Variants in PTGER4 observed in about 807,000 individuals in gnomAD.
The protein encoded by PTGER4 is prostaglandin E receptor 4, also known as prostaglandin E2 receptor EP4 subtype.
Under a neutral mutation model 33.2 loss-of-function variants are expected in PTGER4, and 11 were observed. That is an observed-to-expected ratio of 0.33 (90% CI 0.21 to 0.55). PTGER4 has a LOEUF of 0.55. Ranked by LOEUF, PTGER4 falls within the 20% of genes least tolerant of loss-of-function variation. The pLI, the probability that PTGER4 is intolerant of heterozygous loss-of-function variation, is 0.92. For missense variants in PTGER4, 481 were observed against 650.2 expected (o/e 0.74, Z 2.83); for synonymous variants, 275 against 281.5 (o/e 0.98, Z 0.23).
Position 40,691,683 on chromosome 5 carries a change from A to G in PTGER4, c.868-96A>G, listed in dbSNP as rs1451833004. The G allele has an allele frequency of 4.1e-6, 6 of 1,456,706 alleles. No homozygotes were observed. Among genetic ancestry groups the G allele is most frequent in the Non-Finnish European group, 4.6e-6 (5 of 1,081,960 alleles). The allele number at this position is 1,456,706 out of a possible 1,614,324, so 90.2% of individuals were successfully genotyped here. On this transcript the variant is annotated intron_variant, in intron 2 of 2. Transcript: ENST00000302472. This position sits in a 1 kb window ranked among gnomAD's most constrained non-coding sequence, Gnocchi z 4.2. ...TCCTGGAACTTGTTACCAGAAATGA[A>G]GGCAGCTTCCTAATATTGATAAGGT...
At position 40,681,285 on chromosome 5, in the gene PTGER4, A is replaced by T. The variant is rs1308675777; in HGVS notation, c.292A>T (p.Ile98Phe). ...GQPLCEYSTF[I>F]LLFFSLSGLS... ...GCCGCTGTGCGAGTACAGCACCTTC[A>T]TTCTGCTCTTCTTCAGCCTGTCCGG... Residue 98 changes from isoleucine (I) to phenylalanine (F), a missense_variant, in exon 2 of 3, where the codon ATT (isoleucine) becomes TTT (phenylalanine). Ile to Phe is a conservative substitution (Grantham distance 21). Coordinates refer to ENST00000302472, the MANE Select transcript of PTGER4 (RefSeq NM_000958.3). This position sits in a 1 kb window ranked among gnomAD's most constrained non-coding sequence, Gnocchi z 9.8. 6.2e-7 allele frequency: 1 copy of T among 1,614,144 alleles called. No individual in the cohort carries two copies.
At chr5:40,730,296 G>A in the PTGER4 span, 1 of 1,611,640 alleles carries the variant, frequency 6.2e-7, no homozygotes, top group Non-Finnish European at 8.5e-7. Context: ...AGCATCATTT[G>A]GAGTTAACTG....
the PTGER4 span, among the ~76,000 whole-genome samples, chr5:40,708,895 C>T: frequency 1.3e-4 from 20 of 152,090 alleles, no homozygotes; most frequent in Admixed American, 7.9e-4. Flanking sequence ...AATCAATAAA[C>T]GTAATCCAGC....
At chr5:40,741,230 A>C in the PTGER4 span, among the ~76,000 whole-genome samples, 1 of 152,238 alleles carries the variant, frequency 6.6e-6, no homozygotes, top group Non-Finnish European at 1.5e-5. Flanking sequence ...TGAACCCTTC[A>C]AAAACTATTT....
At chr5:40,738,567 T>TAAA in the PTGER4 span, among the ~76,000 whole-genome samples, 14,428 of 67,696 alleles carry the variant, frequency 0.21, 2,368 homozygotes, top group East Asian at 0.27. Context: ...TAAAATAAAA[T>TAAA]ATAAAATAAA....
At chr5:40,723,129 C>T in the PTGER4 span, among the ~76,000 whole-genome samples, 1 of 152,066 alleles carries the variant, frequency 6.6e-6, no homozygotes, top group African/African-American at 2.4e-5. Flanking sequence ...AATCTATAAC[C>T]TTACCCCCAA....
At chr5:40,722,757 C>T in the PTGER4 span, among the ~76,000 whole-genome samples, 16 of 151,026 alleles carry the variant, frequency 1.1e-4, no homozygotes, top group Admixed American at 2.6e-4. Context: ...CCCGGCCAGA[C>T]GCCCCGTCCC....
downstream of PTGER4, among the ~76,000 whole-genome samples, chr5:40,697,359 G>A (rs929130657): frequency 6.6e-6 from 1 of 152,000 alleles, no homozygotes; most frequent in Non-Finnish European, 1.5e-5. Context: ...GCCGAGGCAG[G>A]CGGATCACCT....
the PTGER4 span, among the ~76,000 whole-genome samples, chr5:40,707,518 C>A: frequency 6.6e-6 from 1 of 152,234 alleles, no homozygotes; most frequent in South Asian, 2.1e-4. Flanking sequence ...CAGGAGCACC[C>A]AGATTCATAA....
chr5:40,739,243 C>G, the PTGER4 span, among the ~76,000 whole-genome samples: 1 of 152,186 alleles, frequency 6.6e-6, no homozygotes, highest in Admixed American at 6.5e-5. Context: ...AGATTCTTTG[C>G]ATTTCCACAT....
chr5:40,725,855 A>G, the PTGER4 span, among the ~76,000 whole-genome samples: 6 of 141,720 alleles, frequency 4.2e-5, no homozygotes, highest in African/African-American at 8.0e-5. Context: ...GCGCGATCTC[A>G]GCTCACTGCA....
At chr5:40,722,387 C>T in the PTGER4 span, among the ~76,000 whole-genome samples, 35 of 151,636 alleles carry the variant, frequency 2.3e-4, no homozygotes, top group Admixed American at 7.9e-4. Context: ...ATGTGAGGAG[C>T]CCCTCTGCCC....
At chr5:40,733,193 C>T in the PTGER4 span, among the ~76,000 whole-genome samples, 4 of 152,194 alleles carry the variant, frequency 2.6e-5, no homozygotes, top group Admixed American at 1.3e-4. Flanking sequence ...GAGAATTCTA[C>T]GTTTAGCAGA....
At chr5:40,738,489 C>A in the PTGER4 span, among the ~76,000 whole-genome samples, 225 of 101,582 alleles carry the variant, frequency 2.2e-3, no homozygotes, top group Middle Eastern at 5.0e-3. Flanking sequence ...CAATACAATA[C>A]AATACAATAC....
At chr5:40,697,599 AAAC>A (rs1741642966), downstream of PTGER4, among the ~76,000 whole-genome samples, 1 of 150,302 alleles carries the variant, frequency 6.7e-6, no homozygotes, top group African/African-American at 2.5e-5. Flanking sequence ...AAAAACAAAA[AAAC>A]AAAGAAAAAA....
At chr5:40,717,249 A>G in the PTGER4 span, among the ~76,000 whole-genome samples, 1 of 145,240 alleles carries the variant, frequency 6.9e-6, no homozygotes, top group Non-Finnish European at 1.5e-5. Context: ...AAAAAAAAAG[A>G]TTTACATGTA....
the PTGER4 span, among the ~76,000 whole-genome samples, chr5:40,706,760 A>C: frequency 4.1e-3 from 630 of 151,992 alleles, 3 homozygotes; most frequent in African/African-American, 0.015. Flanking sequence ...CATTATGAAA[A>C]CAAACAAGCA....
the PTGER4 span, among the ~76,000 whole-genome samples, chr5:40,743,758 T>C: frequency 6.6e-6 from 1 of 152,050 alleles, no homozygotes; most frequent in Admixed American, 6.6e-5. Flanking sequence ...TGGGCAACAG[T>C]GCAAGACTCC....
the PTGER4 span, among the ~76,000 whole-genome samples, chr5:40,741,761 G>A: frequency 6.6e-6 from 1 of 152,102 alleles, no homozygotes; most frequent in Admixed American, 6.5e-5. Context: ...GGCCAAGAAC[G>A]CCAGATTACC....
Sources: allele counts gnomAD v4.1 joint callset (sites outside exome capture counted in the v4.1 genomes callset), GRCh38; gene constraint gnomAD v4.1.1; non-coding constraint Gnocchi (gnomAD v3.1); transcripts MANE v1.5; gene names NCBI Gene and HGNC (gene_info 2026-07-23, HGNC 2026-07-21).